The following IMMP2L variants were observed in gnomAD, a reference collection of about 807,000 sequenced individuals.
IMMP2L encodes the protein mitochondrial inner membrane protease subunit 2.
Under a neutral mutation model 19.3 loss-of-function variants are expected in IMMP2L, and 18 were observed. The ratio of observed to expected loss-of-function variants is 0.93; its 90% CI spans 0.64 to 1.38. The LOEUF (loss-of-function observed/expected upper bound fraction) is 1.38, where lower values mean the gene tolerates loss of function less well. Among genes scored for constraint, IMMP2L ranks in the 40% most tolerant of loss-of-function variants. The pLI is 0.00. For synonymous variants in IMMP2L, 76 were observed against 73.0 expected (o/e 1.04, Z -0.21); for missense variants, 233 against 218.2 (o/e 1.07, Z -0.43).
Position 110,713,317 on chromosome 7 carries a change from C to A in IMMP2L, c.409-49596G>T, listed in dbSNP as rs148812601. 3.9e-3 allele frequency among the ~76,000 whole-genome samples: 598 copies of A among 152,226 alleles called. 3 individuals carry two copies. Among genetic ancestry groups the A allele is most frequent in the Non-Finnish European group, 7.3e-3 (496 of 68,010 alleles). On this transcript the variant is annotated intron_variant, in intron 5 of 5. Transcript: ENST00000405709. Reference sequence around the variant, plus strand: ...TGCTCTTTTGGTTACTGTGGACTTACATTACTAGTTTGAAGTCAGGTAATG... The same window carrying A: ...TGCTCTTTTGGTTACTGTGGACTTAAATTACTAGTTTGAAGTCAGGTAATG...
intron 5 of IMMP2L, among the ~76,000 whole-genome samples, chr7:110,696,400 T>A (rs971780310): frequency 1.3e-5 from 2 of 151,012 alleles, no homozygotes; most frequent in Non-Finnish European, 2.9e-5. Context: ...GGAATAAGTA[T>A]CTGCACTGAG....
chr7:111,399,141 C>T (rs185200310), intron 3 of IMMP2L, among the ~76,000 whole-genome samples: 2,168 of 152,126 alleles, frequency 0.014, 54 homozygotes, highest in African/African-American at 0.05. Context: ...TTCTAAAATT[C>T]ATATGGAACC....
rs996399372 is a variant in IMMP2L, at chr7:110,963,688, C to T, written c.240-123G>A. ...TTACAGATTCCTTTGCACCCCATGA[C>T]ATGACATCAGTCTCACTTCGGTTCC... is the stretch of plus-strand genomic sequence containing the variant. On this transcript the variant is annotated intron_variant, in intron 3 of 5. Transcript: ENST00000405709. 6.4e-6 allele frequency: 3 copies of T among 468,872 alleles called. No individual in the cohort carries two copies. In the East Asian group the frequency reaches 1.0e-4, roughly 16 times the overall value. 29.0% of individuals were successfully genotyped at this position (468,872 alleles called of 1,614,324 possible).
At chr7:110,867,939 T>C (rs1036760862) in intron 5 of IMMP2L, among the ~76,000 whole-genome samples, 1 of 151,964 alleles carries the variant, frequency 6.6e-6, no homozygotes, top group African/African-American at 2.4e-5. Context: ...AGTCATGGTG[T>C]TGTCACCCCC....
At chr7:111,217,181 G>A (rs1812044307) in intron 3 of IMMP2L, among the ~76,000 whole-genome samples, 1 of 148,410 alleles carries the variant, frequency 6.7e-6, no homozygotes, top group Non-Finnish European at 1.5e-5. Flanking sequence ...GAGTTAAAAT[G>A]TTCCTGGTTA....
At chr7:110,912,233 C>G (rs1465036020) in intron 4 of IMMP2L, among the ~76,000 whole-genome samples, 1 of 152,070 alleles carries the variant, frequency 6.6e-6, no homozygotes, top group Non-Finnish European at 1.5e-5. Flanking sequence ...CTATCAGAAT[C>G]TTACAGCCAG....
At chr7:111,001,046 C>A (rs1211559499) in intron 3 of IMMP2L, among the ~76,000 whole-genome samples, 2 of 152,154 alleles carry the variant, frequency 1.3e-5, no homozygotes, top group African/African-American at 4.8e-5. Context: ...ACTGATTGGC[C>A]ATTTCATCCA....
chr7:111,324,784 A>G (rs994869202), intron 3 of IMMP2L, among the ~76,000 whole-genome samples: 1 of 151,954 alleles, frequency 6.6e-6, no homozygotes, highest in African/African-American at 2.4e-5. Context: ...AGTTTTTAAA[A>G]AACAATAAAA....
chr7:110,700,279 G>A (rs1794184778), intron 5 of IMMP2L, among the ~76,000 whole-genome samples: 1 of 152,146 alleles, frequency 6.6e-6, no homozygotes, highest in Non-Finnish European at 1.5e-5. Context: ...CCCAGTGTTG[G>A]TTTTTTCACT....
intron 3 of IMMP2L, among the ~76,000 whole-genome samples, chr7:111,050,726 T>G (rs948842591): frequency 9.9e-5 from 15 of 152,222 alleles, no homozygotes; most frequent in Non-Finnish European, 1.5e-5. Context: ...ATATATCATT[T>G]TGGGTTCAAC....
intron 3 of IMMP2L, among the ~76,000 whole-genome samples, chr7:111,189,373 G>GA (rs10595657): frequency 0.012 from 1,735 of 145,262 alleles, 46 homozygotes; most frequent in African/African-American, 0.041. Context: ...CTTTTTTAAT[G>GA]AAAAAAAAAA....
intron 5 of IMMP2L, among the ~76,000 whole-genome samples, chr7:110,878,373 T>C (rs1317413134): frequency 6.6e-6 from 1 of 152,162 alleles, no homozygotes; most frequent in East Asian, 1.9e-4. Context: ...ATGTAATTAA[T>C]TCTTTAAATA....
intron 5 of IMMP2L, among the ~76,000 whole-genome samples, chr7:110,715,763 T>C (rs1795195200): frequency 6.6e-6 from 1 of 152,152 alleles, no homozygotes; most frequent in Non-Finnish European, 1.5e-5. Flanking sequence ...AGATGTTTGT[T>C]AGGTCCAATT....
In IMMP2L at chr7:111,488,049, G is replaced by C. The variant is rs185022218; in HGVS notation, c.136-708C>G. ...ATACAGGCACAAAAATTTGACTGGG[G>C]AACTATGAAACCAGCATACCTGTCA... On this transcript the variant is annotated intron_variant, in intron 2 of 5. Transcript: ENST00000405709. 1.2e-3 allele frequency among the ~76,000 whole-genome samples: 181 copies of C among 152,228 alleles called. 2 individuals carry two copies. In the Middle Eastern group the frequency reaches 0.017, roughly 14 times the overall value.
chr7:111,073,704 G>A (rs1051405834), intron 3 of IMMP2L, among the ~76,000 whole-genome samples: 1 of 152,072 alleles, frequency 6.6e-6, no homozygotes, highest in African/African-American at 2.4e-5. Context: ...TCCCTTGAGA[G>A]GCATCTTCTG....
chr7:110,863,738 A>T (rs1807694064), intron 5 of IMMP2L, among the ~76,000 whole-genome samples: 1 of 152,154 alleles, frequency 6.6e-6, no homozygotes, highest in African/African-American at 2.4e-5. Flanking sequence ...CTTAAATATT[A>T]AGTGCTAAGT....
intron 4 of IMMP2L, among the ~76,000 whole-genome samples, chr7:110,917,707 G>C (rs901015066): frequency 3.3e-5 from 5 of 151,956 alleles, no homozygotes; most frequent in African/African-American, 1.2e-4. Flanking sequence ...AAGGTGGACG[G>C]GTCTCTTCTG....
intron 4 of IMMP2L, among the ~76,000 whole-genome samples, chr7:110,907,513 G>A (rs997872704): frequency 6.0e-5 from 9 of 150,564 alleles, no homozygotes; most frequent in African/African-American, 9.9e-5. Context: ...GGGATGGGGC[G>A]GGCCATGGGT....
intron 5 of IMMP2L, among the ~76,000 whole-genome samples, chr7:110,787,570 A>G (rs964365170): frequency 6.6e-6 from 1 of 151,990 alleles, no homozygotes; most frequent in Admixed American, 6.6e-5. Flanking sequence ...AATCCCCAGG[A>G]GTCTCAAAGT....
Sources: allele counts gnomAD v4.1 joint callset (sites outside exome capture counted in the v4.1 genomes callset), GRCh38; gene constraint gnomAD v4.1.1; transcripts MANE v1.5; gene names NCBI Gene and HGNC (gene_info 2026-07-23, HGNC 2026-07-21).